Variants in LRRC49 observed in about 807,000 individuals in gnomAD.
LRRC49 encodes the protein leucine rich repeat containing 49, also known as leucine-rich repeat-containing protein 49.
LRRC49 carries 50 observed loss-of-function variants against 83.3 expected under a neutral mutation model. The ratio of observed to expected loss-of-function variants is 0.60; its 90% confidence interval spans 0.48 to 0.76. The LOEUF is 0.76. LRRC49 is among the 30% of genes least tolerant of loss of function. The probability of loss-of-function intolerance (pLI) is 0.00; values close to 1 mark genes in which losing one functional copy is unlikely to be tolerated. For missense variants in LRRC49, 704 were observed against 809.1 expected (o/e 0.87, Z 1.58); for synonymous variants, 286 against 283.3 (o/e 1.01, Z -0.10).
chr15:71,018,143 A>G (rs1378491459), intron 14 of LRRC49, among the ~76,000 whole-genome samples: 1 of 152,142 alleles, frequency 6.6e-6, no homozygotes, highest in African/African-American at 2.4e-5. Context: ...AATATGGCAT[A>G]AAACTATTTA....
At chr15:70,992,502 C>A (rs763721568) in intron 11 of LRRC49, among the ~76,000 whole-genome samples, 4 of 152,160 alleles carry the variant, frequency 2.6e-5, no homozygotes, top group Non-Finnish European at 4.4e-5. Flanking sequence ...GATGTCCTTT[C>A]CGTTTGTTAG....
intron 11 of LRRC49, among the ~76,000 whole-genome samples, chr15:70,986,010 T>A (rs76450919): frequency 0.012 from 1,774 of 150,462 alleles, 44 homozygotes; most frequent in African/African-American, 0.041. Flanking sequence ...GGTACCAGTA[T>A]CATGCTGTTT....
chr15:70,935,828 G>C (rs1431167928), intron 7 of LRRC49, among the ~76,000 whole-genome samples: 1 of 152,104 alleles, frequency 6.6e-6, no homozygotes. Flanking sequence ...TCTAGGGACT[G>C]ACTGTATGTA....
chr15:70,972,952 G>A (rs1478991757), intron 9 of LRRC49, among the ~76,000 whole-genome samples: 1 of 152,044 alleles, frequency 6.6e-6, no homozygotes, highest in African/African-American at 2.4e-5. Flanking sequence ...GCCTGGAGGA[G>A]TTTGTTACTA....
At chr15:71,049,018 A>G (rs1349967223) in intron 15 of LRRC49, among the ~76,000 whole-genome samples, 1 of 152,208 alleles carries the variant, frequency 6.6e-6, no homozygotes, top group Non-Finnish European at 1.5e-5. Context: ...TATCATACCA[A>G]TTGAAATTGT....
At position 70,919,209 on chromosome 15, in the gene LRRC49, G is replaced by C; in HGVS notation, c.711+16G>C. The C allele has an allele frequency of 6.3e-7, 1 of 1,598,468 alleles. No individual in the cohort carries two copies. The highest frequency in any genetic ancestry group is 1.3e-5 in the African/African-American group (1 of 74,370). On this transcript the variant is annotated intron_variant, in intron 7 of 15. Transcript: ENST00000260382. ...CACTTTCGTGGTGAGTATTAAAATG[G>C]AGTTGATATGTACTTTGTGGCTTTC...
chr15:70,908,630 A>G (rs1199118274), intron 5 of LRRC49: 1 of 152,380 alleles, frequency 6.6e-6, no homozygotes, highest in Non-Finnish European at 1.5e-5. Flanking sequence ...CACAAACCTT[A>G]TTACCATTGG....
rs1343976655 is a variant in LRRC49, at chr15:70,974,720, T to TA, written c.922-5366dup. Among the ~76,000 whole-genome samples, 1,194 of 129,114 alleles carry TA rather than the reference T, an allele frequency of 9.2e-3. 6 individuals carry two copies. The highest frequency in any genetic ancestry group is 0.012 in the African/African-American group (429 of 34,610). 84.7% of individuals were successfully genotyped at this position (129,114 alleles called of 152,430 possible). A position where few individuals can be genotyped will look rare whatever the true frequency, so the allele number is the denominator to read the frequency against. ...TGGCTTTTATGTTTTCAAAGCATTG[T>TA]AAAAAAAAAAAAAAAGAACAACAAA... On this transcript the variant is annotated intron_variant, in intron 9 of 15. Coordinates refer to ENST00000260382, the MANE Select transcript of LRRC49 (RefSeq NM_017691.5).
chr15:70,853,665 A>C (rs1476573510), intron 1 of LRRC49: 1 of 333,856 alleles, frequency 3.0e-6, no homozygotes, highest in East Asian at 4.6e-5. Flanking sequence ...CCCGGCCGCC[A>C]GCCCTGGGAG....
chr15:70,907,636 C>T (rs559198953), intron 5 of LRRC49: 24 of 166,728 alleles, frequency 1.4e-4, no homozygotes, highest in Admixed American at 1.3e-3. Flanking sequence ...AAGTTTCCCA[C>T]TTAAGGATTT....
chr15:71,041,231 T>C (rs999539548), intron 15 of LRRC49, among the ~76,000 whole-genome samples: 1 of 152,176 alleles, frequency 6.6e-6, no homozygotes. Flanking sequence ...AGAACACCAG[T>C]GCATCACTGA....
intron 11 of LRRC49, among the ~76,000 whole-genome samples, chr15:71,000,839 A>G (rs2038230572): frequency 6.7e-6 from 1 of 149,084 alleles, no homozygotes; most frequent in African/African-American, 2.5e-5. Context: ...GTAGCCTTTG[A>G]TTTTTTTCTT....
chr15:70,911,403 A>AAT (rs1001762800), intron 5 of LRRC49, 129 bp from the exon 6 acceptor site: 9 of 434,274 alleles, frequency 2.1e-5, no homozygotes, highest in South Asian at 1.2e-4. Context: ...ATTATTGTTG[A>AAT]ATATATATAT....
intron 7 of LRRC49, among the ~76,000 whole-genome samples, chr15:70,934,275 T>C (rs1479971965): frequency 1.3e-5 from 2 of 152,204 alleles, no homozygotes; most frequent in Non-Finnish European, 2.9e-5. Context: ...TTGTCTATTA[T>C]AATGCTAGAA....
At chr15:70,882,934 C>T (rs1555425623) in intron 2 of LRRC49, 3 of 1,612,382 alleles carry the variant, frequency 1.9e-6, no homozygotes, top group East Asian at 4.5e-5. Context: ...AGAGGAGAAA[C>T]ATATTAAAGT....
At chr15:70,965,424 T>TAA (rs1243030766) in intron 9 of LRRC49, among the ~76,000 whole-genome samples, 1 of 152,140 alleles carries the variant, frequency 6.6e-6, no homozygotes, top group Admixed American at 6.6e-5. Flanking sequence ...AGATGCAGTT[T>TAA]AAAATTATAC....
chr15:70,881,620 G>A (rs1011858225), intron 2 of LRRC49: 2 of 152,162 alleles, frequency 1.3e-5, no homozygotes, highest in Non-Finnish European at 2.9e-5. Context: ...AATGGCAGAC[G>A]GGGCAGCTAA....
chr15:70,961,849 A>G (rs539440288), intron 8 of LRRC49, among the ~76,000 whole-genome samples: 13 of 152,328 alleles, frequency 8.5e-5, no homozygotes, highest in African/African-American at 2.9e-4. Context: ...AAGCCTGTAG[A>G]AATTTACACA....
intron 11 of LRRC49, among the ~76,000 whole-genome samples, chr15:70,994,777 A>T (rs1371926353): frequency 6.6e-6 from 1 of 152,204 alleles, no homozygotes; most frequent in African/African-American, 2.4e-5. Flanking sequence ...GCCCAGCCTC[A>T]TGTGAACTTT....
Sources: gnomAD v4.1 joint callset for allele counts (sites outside exome capture counted in the v4.1 genomes callset) on GRCh38, gnomAD v4.1.1 for gene constraint, MANE v1.5 for transcripts, NCBI Gene and HGNC (gene_info 2026-07-23, HGNC 2026-07-21) for gene names.